Variants in LIN7A observed in about 807,000 individuals in gnomAD.
The protein encoded by LIN7A is protein lin-7 homolog A.
A neutral mutation model predicts 29.8 loss-of-function variants in LIN7A; 25 were observed. That is an observed-to-expected ratio of 0.84 (90% CI 0.61 to 1.17). The LOEUF (loss-of-function observed/expected upper bound fraction) is 1.17. Ranked by LOEUF, LIN7A falls within the 50% of genes most tolerant of loss-of-function variation. The probability of loss-of-function intolerance (pLI) is 0.00; values close to 1 mark genes in which losing one functional copy is unlikely to be tolerated. For missense variants in LIN7A, 239 were observed against 287.0 expected, an observed-to-expected ratio of 0.83 and a Z score of 1.21; for synonymous variants, 118 against 107.5, an observed-to-expected ratio of 1.10 and a Z score of -0.60.
intron 4 of LIN7A, among the ~76,000 whole-genome samples, chr12:80,824,800 G>A (rs1270154823): frequency 1.3e-5 from 2 of 152,266 alleles, no homozygotes; most frequent in East Asian, 3.9e-4. Flanking sequence ...AAAAGCTTTT[G>A]ACAAAATCCA....
chr12:80,837,712 G>A (rs55729713), intron 4 of LIN7A, among the ~76,000 whole-genome samples: 5,501 of 152,202 alleles, frequency 0.036, 337 homozygotes, highest in African/African-American at 0.12. Context: ...TACACATAAC[G>A]GAGTTAAAAA....
chr12:80,811,297 TG>T (rs1410102086), intron 5 of LIN7A, among the ~76,000 whole-genome samples, 167 bp downstream of exon 5: 3 of 152,194 alleles, frequency 2.0e-5, no homozygotes, highest in African/African-American at 7.2e-5. Context: ...CACTGTCTTT[TG>T]TTTGATTGAT....
At chr12:80,827,852 C>G (rs2121525831) in intron 4 of LIN7A, among the ~76,000 whole-genome samples, 1 of 152,286 alleles carries the variant, frequency 6.6e-6, no homozygotes, top group Non-Finnish European at 1.5e-5. Flanking sequence ...ACTCTTCACT[C>G]CCAGCTGGCC....
chr12:80,863,102 G>A (rs1042068636), intron 2 of LIN7A, among the ~76,000 whole-genome samples: 3 of 152,224 alleles, frequency 2.0e-5, no homozygotes, highest in African/African-American at 7.2e-5. Flanking sequence ...GTTCTGATTT[G>A]TAGCCTAAGA....
chr12:80,832,595 C>A, intron 4 of LIN7A: 1 of 467,926 alleles, frequency 2.1e-6, no homozygotes, highest in Admixed American at 2.5e-5. Flanking sequence ...AGGAAATGGC[C>A]ACCTTCAAAT....
At chr12:80,826,893 C>T (rs1872107145) in intron 4 of LIN7A, among the ~76,000 whole-genome samples, 1 of 152,192 alleles carries the variant, frequency 6.6e-6, no homozygotes, top group South Asian at 2.1e-4. Context: ...CTATGATAGG[C>T]ACTGTCCTTG....
intron 2 of LIN7A, among the ~76,000 whole-genome samples, chr12:80,868,210 G>A (rs1661318671): frequency 6.6e-6 from 1 of 152,164 alleles, no homozygotes; most frequent in Non-Finnish European, 1.5e-5. Flanking sequence ...CATTCACAAA[G>A]TTCTTCCAGC....
intron 2 of LIN7A, among the ~76,000 whole-genome samples, chr12:80,864,041 TA>T (rs1220927954): frequency 6.6e-6 from 1 of 152,156 alleles, no homozygotes; most frequent in Non-Finnish European, 1.5e-5. Context: ...ATTTTTAAAA[TA>T]AAAAGATTTG....
At chr12:80,834,126 C>T (rs960247525) in intron 4 of LIN7A, among the ~76,000 whole-genome samples, 5 of 152,136 alleles carry the variant, frequency 3.3e-5, no homozygotes, top group Non-Finnish European at 7.4e-5. Context: ...TCTGATGTCA[C>T]ATTTTACTCG....
Position 80,889,227 on chromosome 12 carries a change from G to A in LIN7A, c.201+24C>T, listed in dbSNP as rs374126923. On this transcript the variant is annotated intron_variant, in intron 2 of 5. Coordinates refer to ENST00000552864, the MANE Select transcript of LIN7A (RefSeq NM_004664.4). Reference sequence around the variant, plus strand: ...TGAAGAAGACATATGGCTGAATTTAGTTATTAAAATTTTAGTGCCATACCT... The same window carrying A: ...TGAAGAAGACATATGGCTGAATTTAATTATTAAAATTTTAGTGCCATACCT... 1.0e-4 allele frequency: 126 copies of A among 1,225,782 alleles called. 1 individual carries two copies. Among genetic ancestry groups the A allele is most frequent in the Non-Finnish European group, 1.5e-4 (125 of 826,954 alleles). 75.9% of individuals were successfully genotyped at this position (1,225,782 alleles called of 1,614,324 possible).
At chr12:80,817,678 A>G (rs1458599469) in intron 4 of LIN7A, among the ~76,000 whole-genome samples, 2 of 152,116 alleles carry the variant, frequency 1.3e-5, no homozygotes, top group Non-Finnish European at 2.9e-5. Flanking sequence ...AGAACATTAT[A>G]CCTAAAAAGA....
intron 1 of LIN7A, among the ~76,000 whole-genome samples, chr12:80,934,021 AAATT>A (rs1878068880): frequency 6.6e-6 from 1 of 152,162 alleles, no homozygotes; most frequent in Admixed American, 6.5e-5. Flanking sequence ...TTTATTTGTT[AAATT>A]AATTAATTAA....
chr12:80,801,831 T>C (rs950333578), intron 5 of LIN7A, among the ~76,000 whole-genome samples: 1 of 151,892 alleles, frequency 6.6e-6, no homozygotes, highest in East Asian at 1.9e-4. Context: ...CCCCTTTCTT[T>C]CCCCGATCAC....
chr12:80,875,781 G>T (rs747071542), intron 2 of LIN7A, among the ~76,000 whole-genome samples: 1 of 152,086 alleles, frequency 6.6e-6, no homozygotes, highest in South Asian at 2.1e-4. Context: ...TTTCTGTTAT[G>T]ATTATAATAG....
chr12:80,885,480 A>C (rs1239468381), intron 2 of LIN7A, among the ~76,000 whole-genome samples: 1 of 152,116 alleles, frequency 6.6e-6, no homozygotes, highest in Non-Finnish European at 1.5e-5. Context: ...CTTTAAAATC[A>C]CTTGCACTGA....
chr12:80,808,484 A>C (rs1042458136), intron 5 of LIN7A, among the ~76,000 whole-genome samples: 1 of 151,970 alleles, frequency 6.6e-6, no homozygotes, highest in African/African-American at 2.4e-5. Flanking sequence ...ATGTGCAATA[A>C]ATGTATTTCT....
At chr12:80,836,513 C>T (rs1258916251) in intron 4 of LIN7A, among the ~76,000 whole-genome samples, 1 of 151,926 alleles carries the variant, frequency 6.6e-6, no homozygotes, top group African/African-American at 2.4e-5. Flanking sequence ...AAAAACTAGC[C>T]GGCATGGTGG....
intron 1 of LIN7A, among the ~76,000 whole-genome samples, chr12:80,903,741 T>A (rs1447294952): frequency 1.3e-5 from 2 of 152,030 alleles, no homozygotes; most frequent in African/African-American, 2.4e-5. Flanking sequence ...GAGTTCTATT[T>A]TTGGTTCTTT....
chr12:80,842,054 G>A, intron 4 of LIN7A: 1 of 1,285,726 alleles, frequency 7.8e-7, no homozygotes, highest in South Asian at 1.2e-5. Flanking sequence ...TTGGTGCCTA[G>A]GGATAGAAAA....
Sources: gnomAD v4.1 joint callset for allele counts (sites outside exome capture counted in the v4.1 genomes callset) on GRCh38, gnomAD v4.1.1 for gene constraint, MANE v1.5 for transcripts, NCBI Gene and HGNC (gene_info 2026-07-23, HGNC 2026-07-21) for gene names.